Variants in GRIK3 observed in about 807,000 individuals in gnomAD.
GRIK3 encodes the protein glutamate ionotropic receptor kainate type subunit 3.
A neutral mutation model predicts 102.5 loss-of-function variants in GRIK3; 29 were observed. That is an observed-to-expected ratio of 0.28 (90% CI 0.21 to 0.39). The LOEUF is 0.39. Ranked by LOEUF, GRIK3 falls within the 10% of genes least tolerant of loss-of-function variation. The probability of loss-of-function intolerance (pLI) is 1.00; values close to 1 mark genes in which losing one functional copy is unlikely to be tolerated. For missense variants in GRIK3, 908 were observed against 1,252.4 expected (o/e 0.73, Z 4.15); for synonymous variants, 511 against 504.9 (o/e 1.01, Z -0.16).
At chr1:36,809,198 C>T (rs1306033098) in intron 13 of GRIK3, among the ~76,000 whole-genome samples, 1 of 151,722 alleles carries the variant, frequency 6.6e-6, no homozygotes. Flanking sequence ...TCCATCCACC[C>T]ATCATCCATC....
At chr1:36,912,144 G>A (rs933264244) in intron 1 of GRIK3, among the ~76,000 whole-genome samples, 1 of 151,950 alleles carries the variant, frequency 6.6e-6, no homozygotes, top group Non-Finnish European at 1.5e-5. Flanking sequence ...TCTGGGTTTC[G>A]TCCTGGGTCA....
In GRIK3 at chr1:36,801,747, G is replaced by T; in HGVS notation, c.*104C>A. ...CTCCTGGCCCAACAGGCAGGTGGCA[G>T]CTCTGGTCCCCAAGCCCAGTGCGGG... is the stretch of plus-strand genomic sequence containing the variant. On this transcript the variant is annotated 3_prime_UTR_variant, in exon 16 of 16. Coordinates refer to ENST00000373091, the MANE Select transcript of GRIK3 (RefSeq NM_000831.4). The T allele has an allele frequency of 5.0e-6, 5 of 998,128 alleles. No individual in the cohort carries two copies. Among genetic ancestry groups the T allele is most frequent in the Non-Finnish European group, 7.0e-6 (5 of 709,356 alleles). The allele number at this position is 998,128 out of a possible 1,614,324, so 61.8% of individuals were successfully genotyped here.
intron 5 of GRIK3, among the ~76,000 whole-genome samples, chr1:36,864,940 T>C (rs1640766706): frequency 6.6e-6 from 1 of 152,116 alleles, no homozygotes; most frequent in Non-Finnish European, 1.5e-5. Flanking sequence ...AAAAGTTGTG[T>C]TCTCGATGCC....
At chr1:36,804,212 A>G (rs1557686358) in intron 15 of GRIK3, among the ~76,000 whole-genome samples, 2 of 152,168 alleles carry the variant, frequency 1.3e-5, no homozygotes, top group Admixed American at 1.3e-4. Context: ...GCCCTTCTAT[A>G]TATAATTTAA....
rs1412226079 is a variant in GRIK3 at position 36,933,494 on chromosome 1, A to G, written c.116-42398T>C. On this transcript the variant is annotated intron_variant, in intron 1 of 15. Transcript: ENST00000373091. ...AGATGTTATCTCTGATTGGTAATCA[A>G]TTTGATTTCCCCCTCCACCATCACA... Among the ~76,000 whole-genome samples, 3 of 152,172 alleles carry G rather than the reference A, an allele frequency of 2.0e-5. No homozygotes were observed. In the East Asian group the frequency reaches 5.8e-4, roughly 29 times the overall value.
chr1:36,832,172 T>C (rs1640310199), intron 10 of GRIK3, among the ~76,000 whole-genome samples: 1 of 152,218 alleles, frequency 6.6e-6, no homozygotes. Flanking sequence ...CTCTGGGTGT[T>C]TCCACCCCCT....
chr1:37,003,384 T>C (rs559039563), intron 1 of GRIK3, among the ~76,000 whole-genome samples: 107 of 152,286 alleles, frequency 7.0e-4, no homozygotes, highest in African/African-American at 2.0e-3. Context: ...CAGACACTAC[T>C]ATGAAACATT....
At chr1:37,032,689 C>T (rs1642841087) in intron 1 of GRIK3, among the ~76,000 whole-genome samples, 1 of 152,172 alleles carries the variant, frequency 6.6e-6, no homozygotes, top group South Asian at 2.1e-4. Flanking sequence ...GTTTGCCTGC[C>T]AGGGTCCTGG....
At chr1:36,991,344 G>T (rs1480438735) in intron 1 of GRIK3, among the ~76,000 whole-genome samples, 1 of 152,196 alleles carries the variant, frequency 6.6e-6, no homozygotes, top group Non-Finnish European at 1.5e-5. Flanking sequence ...CCCTAAAGGG[G>T]CCACAGACAC....
rs567205928 is a variant in GRIK3 at position 36,886,225 on chromosome 1, A to G, written c.292+4695T>C. The stretch of plus-strand genomic sequence containing the variant: ...CTCATGTGGAGGGAAGGACTAATTC[A>G]AGCAGAGCTGGCAGGGCAGGTGGTG... On this transcript the variant is annotated intron_variant, in intron 2 of 15. Transcript: ENST00000373091. Among the ~76,000 whole-genome samples, 8 of 152,270 alleles carry G rather than the reference A, an allele frequency of 5.3e-5. No homozygotes were observed. The South Asian group carries it at 1.5e-3, about 28-fold the overall frequency.
intron 10 of GRIK3, among the ~76,000 whole-genome samples, chr1:36,832,181 C>G (rs747207509): frequency 1.3e-5 from 2 of 152,234 alleles, no homozygotes; most frequent in African/African-American, 2.4e-5. Flanking sequence ...TTTCCACCCC[C>G]TCAGACCACG....
rs57315084 is a variant in GRIK3, at chr1:36,962,883, C to CAAAA, written c.115+71107_115+71110dup. On this transcript the variant is annotated intron_variant, in intron 1 of 15. Transcript: ENST00000373091. ...TGGGCAACAGAGCGAGACTCCCTCT[C>CAAAA]AAAAAAAAAAAAAAAAAAAGGAGGA... 4.1e-3 allele frequency among the ~76,000 whole-genome samples: 302 copies of CAAAA among 74,116 alleles called. 1 individual carries two copies. Among genetic ancestry groups the CAAAA allele is most frequent in the Middle Eastern group, 0.01 (1 of 98 alleles). 48.6% of individuals were successfully genotyped at this position (74,116 alleles called of 152,430 possible).
rs1019937490 is a variant in GRIK3 at position 36,850,581 on chromosome 1, G to T, written c.1213-157C>A. Among the ~76,000 whole-genome samples the T allele has an allele frequency of 6.6e-6, 1 of 152,100 alleles. No individual in the cohort carries two copies. The highest frequency in any genetic ancestry group is 2.4e-5 in the African/African-American group (1 of 41,414). Reference sequence around the variant, plus strand: ...TGCCATTGTGTTTCCAGTTATAACCGTTCTGGACAACATCCCTGCAGCTCT... The same window carrying T: ...TGCCATTGTGTTTCCAGTTATAACCTTTCTGGACAACATCCCTGCAGCTCT... On this transcript the variant is annotated intron_variant, in intron 8 of 15. Coordinates refer to ENST00000373091, the MANE Select transcript of GRIK3 (RefSeq NM_000831.4). The surrounding 1 kb of genome is among the most constrained non-coding windows in gnomAD (Gnocchi z 4.0).
At chr1:36,963,269 G>A (rs922253028) in intron 1 of GRIK3, among the ~76,000 whole-genome samples, 2 of 152,108 alleles carry the variant, frequency 1.3e-5, no homozygotes, top group African/African-American at 4.8e-5. Flanking sequence ...TCTGGGGGAG[G>A]CAAGCGGCGG....
chr1:37,006,319 C>T lies in GRIK3; in HGVS notation c.115+27675G>A, dbSNP rs180690411. ...CTGGCACCCACAGTGACCTCGATAA[C>T]GCAACGAGGGAGGAATTCAAAGGCC... On this transcript the variant is annotated intron_variant, in intron 1 of 15. Transcript: ENST00000373091. Among the ~76,000 whole-genome samples the T allele has an allele frequency of 1.1e-4, 16 of 152,324 alleles. No homozygotes were observed. The East Asian group carries it at 2.3e-3, about 22-fold the overall frequency.
At chr1:36,865,568 TG>T (rs1313952178) in intron 5 of GRIK3, among the ~76,000 whole-genome samples, 1 of 152,128 alleles carries the variant, frequency 6.6e-6, no homozygotes, top group Non-Finnish European at 1.5e-5. Flanking sequence ...CTCCAACCGA[TG>T]GGGTTCTGCT....
intron 13 of GRIK3, among the ~76,000 whole-genome samples, chr1:36,813,128 A>T (rs1642581621): frequency 6.6e-6 from 1 of 152,190 alleles, no homozygotes; most frequent in Admixed American, 6.5e-5. Context: ...TAGGCACTAG[A>T]GCCAGGTTGC....
chr1:36,936,350 C>T (rs72670016), intron 1 of GRIK3, among the ~76,000 whole-genome samples: 9,755 of 152,212 alleles, frequency 0.064, 432 homozygotes, highest in Non-Finnish European at 0.094. Context: ...CAAGATGGCA[C>T]GGTTTTCCAA....
chr1:36,818,297 T>C (rs1642653171), intron 12 of GRIK3, among the ~76,000 whole-genome samples: 1 of 152,170 alleles, frequency 6.6e-6, no homozygotes, highest in South Asian at 2.1e-4. Context: ...CTTTCCCAAC[T>C]GTCACCGAAC....
Sources: gnomAD v4.1 joint callset for allele counts (sites outside exome capture counted in the v4.1 genomes callset) on GRCh38, gnomAD v4.1.1 for gene constraint, Gnocchi (gnomAD v3.1) non-coding constraint, MANE v1.5 for transcripts, NCBI Gene and HGNC (gene_info 2026-07-23, HGNC 2026-07-21) for gene names.